SMC4: variants seen among roughly 807,000 people sequenced by gnomAD.
SMC4 encodes structural maintenance of chromosomes 4.
A neutral mutation model predicts 145.6 loss-of-function variants in SMC4; 87 were observed. The observed-to-expected ratio is 0.60, with a 90% CI of 0.50 to 0.71. SMC4 has a LOEUF of 0.71. Ranked by LOEUF, SMC4 falls within the 30% of genes least tolerant of loss-of-function variation. SMC4 has a pLI of 0.00. For synonymous variants in SMC4, 558 were observed against 500.7 expected (o/e 1.11, Z -1.53); for missense variants, 1,447 against 1,537.1 (o/e 0.94, Z 0.98).
At chr3:160,411,827 C>T in intron 5 of SMC4, 93 bp from the exon 6 acceptor site, 11 of 998,596 alleles carry the variant, frequency 1.1e-5, no homozygotes, top group Non-Finnish European at 1.3e-5. Context: ...GTTTATTACT[C>T]TTGGCTTTAT....
At chr3:160,416,459 T>C in intron 10 of SMC4, 44 bp downstream of exon 10, 1 of 1,237,108 alleles carries the variant, frequency 8.1e-7, no homozygotes, top group Non-Finnish European at 1.1e-6. Context: ...GTGGCTTTTT[T>C]TTTTTTAACT....
At chr3:160,411,450 G>A (rs569628109) in intron 5 of SMC4, among the ~76,000 whole-genome samples, 110 of 152,246 alleles carry the variant, frequency 7.2e-4, no homozygotes, top group Non-Finnish European at 1.5e-3. Flanking sequence ...TTGGGACAGG[G>A]TTCCTAACAC....
intron 1 of SMC4, chr3:160,400,161 C>G (rs1044897341): frequency 6.6e-6 from 1 of 152,530 alleles, no homozygotes; most frequent in African/African-American, 2.4e-5. Flanking sequence ...GAGACAAACT[C>G]TTGCCACTCC....
chr3:160,427,482 G>A lies in SMC4; in HGVS notation c.2606-1271G>A, dbSNP rs547199161. Among the ~76,000 whole-genome samples, 18 of 152,308 alleles carry A rather than the reference G, an allele frequency of 1.2e-4. No individual in the cohort carries two copies. In the South Asian group the frequency reaches 3.5e-3, roughly 30 times the overall value. On this transcript the variant is annotated intron_variant, in intron 17 of 23. Coordinates refer to ENST00000357388, the MANE Select transcript of SMC4 (RefSeq NM_001002800.3). Reference sequence around the variant, plus strand: ...CACAACAATGGCTTTGATGGTACCTGATGGTCAATTGAGAAGCCAAAATGT... The same window carrying A: ...CACAACAATGGCTTTGATGGTACCTAATGGTCAATTGAGAAGCCAAAATGT...
chr3:160,399,806 C>G (rs1270241435), intron 1 of SMC4, 57 bp downstream of exon 1: 2 of 152,386 alleles, frequency 1.3e-5, no homozygotes, highest in Non-Finnish European at 2.9e-5. Context: ...GCCTTGTCCG[C>G]GAGCGCCTGG....
At chr3:160,421,008 C>T (rs1336544291) in intron 13 of SMC4, 107 bp downstream of exon 13, 6 of 833,326 alleles carry the variant, frequency 7.2e-6, no homozygotes, top group Non-Finnish European at 1.1e-5. Context: ...TGGCTCACTG[C>T]AAGCTCCGCC....
At position 160,434,502 on chromosome 3, in the gene SMC4, AGGTTTATCC is replaced by A. The variant is rs1314047794; in HGVS notation, c.*696_*704del. 6.6e-6 allele frequency: 1 copy of A among 152,216 alleles called. No individual in the cohort carries two copies. The highest frequency in any genetic ancestry group is 1.5e-5 in the Non-Finnish European group (1 of 68,038). 9.4% of individuals were successfully genotyped at this position (152,216 alleles called of 1,614,324 possible). A position where few individuals can be genotyped will look rare whatever the true frequency, so the allele number is the denominator to read the frequency against. ...ATTTACAAATTTTCAACTTTATGAT[AGGTTTATCC>A]GGGTACTAAATGCATTTCAACTTGA... On this transcript the variant is annotated 3_prime_UTR_variant, in exon 24 of 24. Transcript: ENST00000357388.
intron 16 of SMC4, among the ~76,000 whole-genome samples, chr3:160,425,289 T>C (rs368650221): frequency 3.9e-5 from 6 of 152,284 alleles, no homozygotes; most frequent in African/African-American, 9.6e-5. Context: ...TATGACCCTT[T>C]ATTTTTATTC....
rs1277526303 is a variant in SMC4 at position 160,417,967 on chromosome 3, G to C, written c.1671+11G>C. On this transcript the variant is annotated intron_variant, in intron 11 of 23. Coordinates refer to ENST00000357388, the MANE Select transcript of SMC4 (RefSeq NM_001002800.3). ...CAAGAATTAAAGGAGGTAAATCTTT[G>C]CTTCTCTGTTGCATCAGAACATCAT... 2 of 1,594,256 alleles carry C rather than the reference G, an allele frequency of 1.3e-6. No homozygotes were observed.
Position 160,400,981 on chromosome 3 carries a change from C to T in SMC4, c.139+16C>T. 1 of 1,384,014 alleles carries T rather than the reference C, an allele frequency of 7.2e-7. No homozygotes were observed. The highest frequency in any genetic ancestry group is 3.9e-5 in the Admixed American group (1 of 25,576). 85.7% of individuals were successfully genotyped at this position (1,384,014 alleles called of 1,614,324 possible). A position where few individuals can be genotyped will look rare whatever the true frequency, so the allele number is the denominator to read the frequency against. On this transcript the variant is annotated intron_variant, in intron 2 of 23. Coordinates refer to ENST00000357388, the MANE Select transcript of SMC4 (RefSeq NM_001002800.3). The stretch of plus-strand genomic sequence containing the variant: ...ACCGCCGCAGGTGAGTGACCCGCCG[C>T]GACTCGGCGGGAACGCGCGCTGTGG...
chr3:160,412,677 C>A, intron 7 of SMC4: 2 of 871,998 alleles, frequency 2.3e-6, no homozygotes, highest in South Asian at 2.9e-5. Context: ...GCCTGGGCAA[C>A]ATAGCAAGAC....
At chr3:160,414,215 G>A (rs1417796380) in intron 8 of SMC4, 152 bp from the exon 9 acceptor site, 1 of 696,106 alleles carries the variant, frequency 1.4e-6, no homozygotes, top group African/African-American at 1.8e-5. Flanking sequence ...CAACTATGGG[G>A]AGAGGGATCA....
At chr3:160,427,326 T>G (rs1029849829) in intron 17 of SMC4, among the ~76,000 whole-genome samples, 5 of 151,668 alleles carry the variant, frequency 3.3e-5, no homozygotes, top group Non-Finnish European at 5.9e-5. Flanking sequence ...CCAAGAAGAG[T>G]ATAAAGGAGC....
At position 160,425,022 on chromosome 3, in the gene SMC4, A is replaced by ATATGTG. The variant is rs139267592; in HGVS notation, c.2478+4_2478+5insATGTGT. The ATATGTG allele has an allele frequency of 1.4e-5, 20 of 1,469,454 alleles. No homozygotes were observed. In the African/African-American group the frequency reaches 2.6e-4, roughly 19 times the overall value. 91.0% of individuals were successfully genotyped at this position (1,469,454 alleles called of 1,614,324 possible). A position where few individuals can be genotyped will look rare whatever the true frequency, so the allele number is the denominator to read the frequency against. Reference sequence around the variant, plus strand: ...AAAAATTTACTGCAAGCATCCAGGTATGTGTGTGTGTGTGTGTGTGTGTGT... The same window carrying ATATGTG: ...AAAAATTTACTGCAAGCATCCAGGTATATGTGTGTGTGTGTGTGTGTGTGTGTGTGT... On this transcript the variant is annotated splice_donor_region_variant and intron_variant, in intron 16 of 23. Transcript: ENST00000357388.
chr3:160,401,564 C>G (rs1315485968), intron 2 of SMC4, among the ~76,000 whole-genome samples: 1 of 152,126 alleles, frequency 6.6e-6, no homozygotes, highest in Non-Finnish European at 1.5e-5. Context: ...AGGATTTAAC[C>G]TCCTGTTTAG....
Position 160,411,770 on chromosome 3 carries a change from T to G in SMC4, c.688-150T>G, listed in dbSNP as rs1230654040. ...ATACCAGTGAAAATAACATTTTTAT[T>G]TATACCTTATTAAATCATTGCACTA... is the stretch of plus-strand genomic sequence containing the variant. On this transcript the variant is annotated intron_variant, in intron 5 of 23. Coordinates refer to ENST00000357388, the MANE Select transcript of SMC4 (RefSeq NM_001002800.3). The G allele has an allele frequency of 7.2e-6, 4 of 556,894 alleles. No individual in the cohort carries two copies. In the African/African-American group the frequency reaches 7.5e-5, roughly 10 times the overall value. 34.5% of individuals were successfully genotyped at this position (556,894 alleles called of 1,614,324 possible). A position where few individuals can be genotyped will look rare whatever the true frequency, so the allele number is the denominator to read the frequency against.
chr3:160,415,177 G>A (rs1716452690), intron 9 of SMC4, among the ~76,000 whole-genome samples: 1 of 152,182 alleles, frequency 6.6e-6, no homozygotes, highest in Non-Finnish European at 1.5e-5. Flanking sequence ...TTTAAGACCA[G>A]CCTGGGCAAC....
rs1294116229 is a variant in SMC4 at position 160,426,081 on chromosome 3, T to C, written c.2486T>C (p.Ile829Thr). The C allele has an allele frequency of 3.1e-6, 5 of 1,600,216 alleles. No homozygotes were observed. In the East Asian group the frequency reaches 8.9e-5, roughly 29 times the overall value. The change falls in exon 17 of 24, where the codon ATA becomes ACA. Residue 829 changes from isoleucine to threonine, a missense_variant. By Grantham distance (89) the Ile-to-Thr change is moderately conservative. Transcript: ENST00000357388. ...EKFTASIQRL[I>T]EQEEYLNVQV... Reference sequence around the variant, plus strand: ...GTTAAAACTTTTTTGTAGCGTTTAATAGAGCAAGAAGAATATTTGAATGTC... The same window carrying C: ...GTTAAAACTTTTTTGTAGCGTTTAACAGAGCAAGAAGAATATTTGAATGTC...
In SMC4 at chr3:160,419,472, AG is replaced by A. The variant is rs1410859165; in HGVS notation, c.1791del (p.Val599SerfsTer5). The A allele has an allele frequency of 1.2e-6, 2 of 1,611,800 alleles. No individual in the cohort carries two copies. Among genetic ancestry groups the A allele is most frequent in the South Asian group, 1.1e-5 (1 of 90,142 alleles). ...AKSSLAMNRS[R>X]GKVLDAIIQE... Reference sequence around the variant, plus strand: ...GAGCTCATTAGCAATGAATCGAAGTAGGGGGAAAGTCCTTGATGCAATAATT... The same window carrying A: ...GAGCTCATTAGCAATGAATCGAAGTAGGGGAAAGTCCTTGATGCAATAATT... On this transcript the variant is annotated frameshift_variant, in exon 12 of 24. Transcript: ENST00000357388. LOFTEE classifies it high-confidence loss of function.
Sources: allele counts gnomAD v4.1 joint callset (sites outside exome capture counted in the v4.1 genomes callset), GRCh38; gene constraint gnomAD v4.1.1; transcripts MANE v1.5; gene names NCBI Gene and HGNC (gene_info 2026-07-23, HGNC 2026-07-21).